DPP6: variants seen among roughly 807,000 people sequenced by gnomAD.
DPP6 encodes dipeptidyl peptidase like 6.
Under a neutral mutation model 122.6 loss-of-function variants are expected in DPP6, and 69 were observed. The observed-to-expected ratio is 0.56, with a 90% CI of 0.46 to 0.69. The LOEUF is 0.69. Among genes scored for constraint, DPP6 ranks in the 30% least tolerant of loss-of-function variants. DPP6 has a pLI of 0.00. For synonymous variants in DPP6, 418 were observed against 433.1 expected, an observed-to-expected ratio of 0.97 and a Z score of 0.43; for missense variants, 928 against 1,116.9, an observed-to-expected ratio of 0.83 and a Z score of 2.41.
upstream of DPP6, among the ~76,000 whole-genome samples, chr7:153,886,778 C>T (rs1192132837): frequency 6.6e-6 from 1 of 152,180 alleles, no homozygotes; most frequent in African/African-American, 2.4e-5. Context: ...CCCTAGCCTT[C>T]CCCCGCTTCC....
intron 1 of DPP6, among the ~76,000 whole-genome samples, chr7:154,054,955 TTTA>T (rs985041987): frequency 2.0e-5 from 3 of 152,104 alleles, no homozygotes; most frequent in Admixed American, 1.3e-4. Context: ...TGTCCTTCTT[TTTA>T]TTGTGACATG....
At chr7:153,794,683 A>G in the DPP6 span, among the ~76,000 whole-genome samples, 1 of 152,118 alleles carries the variant, frequency 6.6e-6, no homozygotes, top group Non-Finnish European at 1.5e-5. Flanking sequence ...CAGGGATGGA[A>G]TGATATGGTT....
chr7:154,047,486 T>C (rs1432514300), upstream of DPP6, among the ~76,000 whole-genome samples: 1 of 148,952 alleles, frequency 6.7e-6, no homozygotes, highest in African/African-American at 2.6e-5. Context: ...GAGAACAACA[T>C]GGTTATGGTC....
chr7:154,214,805 C>T (rs1283934240), intron 1 of DPP6, among the ~76,000 whole-genome samples: 3 of 152,028 alleles, frequency 2.0e-5, no homozygotes, highest in South Asian at 2.1e-4. Context: ...ATAGTCCTAG[C>T]TAGTTAGGAG....
intron 5 of DPP6, among the ~76,000 whole-genome samples, chr7:154,578,246 G>A (rs1831812888): frequency 3.3e-5 from 5 of 152,044 alleles, no homozygotes; most frequent in Admixed American, 6.6e-5. Context: ...TGGTGTTCCC[G>A]CTTCTCTCTT....
rs1217165609 is a variant in DPP6, at chr7:154,885,675, G to A, written c.2176G>A (p.Gly726Arg). ...YLSTYILPAK[G>R]ENQGQTFTCG... Reference sequence around the variant, plus strand: ...GAGCACCTACATCCTCCCAGCAAAGGGAGAAAATCAAGGCCAGACATTCAC... The same window carrying A: ...GAGCACCTACATCCTCCCAGCAAAGAGAGAAAATCAAGGCCAGACATTCAC... Residue 726 changes from glycine to arginine, a missense_variant, in exon 22 of 26, where the codon GGA becomes AGA. Gly to Arg is a moderately radical substitution (Grantham distance 125, BLOSUM62 -2). Transcript: ENST00000377770. 1.1e-5 allele frequency: 17 copies of A among 1,594,054 alleles called. No homozygotes were observed. The highest frequency in any genetic ancestry group is 2.7e-5 in the African/African-American group (2 of 74,490).
At chr7:154,047,725 G>A (rs200270800), upstream of DPP6, among the ~76,000 whole-genome samples, 17,702 of 145,088 alleles carry the variant, frequency 0.12, no homozygotes, top group South Asian at 0.16. Flanking sequence ...GGGCAGCAAG[G>A]AAGTTTTAGA....
intron 3 of DPP6, among the ~76,000 whole-genome samples, chr7:154,535,445 T>C (rs913821790): frequency 5.9e-5 from 9 of 152,032 alleles, no homozygotes; most frequent in African/African-American, 2.2e-4. Flanking sequence ...ATGTGCAGTT[T>C]TGTTACATAG....
intron 1 of DPP6, among the ~76,000 whole-genome samples, chr7:153,923,178 A>C (rs935295668): frequency 6.6e-6 from 1 of 152,208 alleles, no homozygotes; most frequent in Non-Finnish European, 1.5e-5. Flanking sequence ...TTAAGCAGGC[A>C]CTGAACACCT....
chr7:154,291,090 C>G (rs1805178917), intron 1 of DPP6, among the ~76,000 whole-genome samples: 2 of 152,290 alleles, frequency 1.3e-5, no homozygotes, highest in South Asian at 4.1e-4. Flanking sequence ...AGCCACCGCT[C>G]CCCTCCAAAA....
rs998306915 is a variant in DPP6, at chr7:154,294,253, C to G, written c.244-151961C>G. Among the ~76,000 whole-genome samples, 13 of 152,244 alleles carry G rather than the reference C, an allele frequency of 8.5e-5. No individual in the cohort carries two copies. The East Asian group carries it at 2.5e-3, about 30-fold the overall frequency. On this transcript the variant is annotated intron_variant, in intron 1 of 25. Transcript: ENST00000377770. ...AGCCTGGGGTAGGAGGTGACATTTG[C>G]ACGGGGCACTAAAGGATGATTAGGA...
chr7:153,866,268 A>G, the DPP6 span, among the ~76,000 whole-genome samples: 10 of 152,158 alleles, frequency 6.6e-5, no homozygotes, highest in African/African-American at 2.4e-4. Context: ...CAGTCCCACC[A>G]ACAGTGTAAA....
intron 5 of DPP6, among the ~76,000 whole-genome samples, chr7:154,579,681 G>T (rs1488137130): frequency 6.6e-6 from 1 of 152,160 alleles, no homozygotes; most frequent in Non-Finnish European, 1.5e-5. Context: ...CCCATGGGGG[G>T]GCCCAAAGTG....
chr7:153,812,846 T>C, the DPP6 span, among the ~76,000 whole-genome samples: 1 of 152,012 alleles, frequency 6.6e-6, no homozygotes, highest in African/African-American at 2.4e-5. Context: ...ACAGTGCATC[T>C]CAAGAAAGTA....
chr7:154,041,453 A>G (rs397833641), intron 1 of DPP6, among the ~76,000 whole-genome samples: 17 of 152,196 alleles, frequency 1.1e-4, no homozygotes, highest in Non-Finnish European at 1.2e-4. Context: ...CCTCTCGGGA[A>G]CTCTGTGCTT....
the DPP6 span, among the ~76,000 whole-genome samples, chr7:153,753,035 T>G: frequency 3.9e-5 from 6 of 152,234 alleles, no homozygotes; most frequent in African/African-American, 1.4e-4. Context: ...AATAATTCTT[T>G]GTATTACTTA....
chr7:154,857,142 C>T (rs982709594), intron 17 of DPP6, among the ~76,000 whole-genome samples: 1 of 152,122 alleles, frequency 6.6e-6, no homozygotes, highest in African/African-American at 2.4e-5. Flanking sequence ...CAAGCTCTTT[C>T]AGGATGGTAA....
chr7:154,709,410 G>A (rs1841029209), intron 7 of DPP6, among the ~76,000 whole-genome samples: 1 of 151,998 alleles, frequency 6.6e-6, no homozygotes, highest in Non-Finnish European at 1.5e-5. Context: ...TGTAGAGATG[G>A]AGTCTTACCG....
intron 5 of DPP6, among the ~76,000 whole-genome samples, chr7:154,594,299 C>T (rs1008116164): frequency 2.6e-5 from 4 of 152,074 alleles, no homozygotes; most frequent in Non-Finnish European, 5.9e-5. Flanking sequence ...CAAAACTGCC[C>T]GACAGCTCAC....
Sources: allele counts gnomAD v4.1 joint callset (sites outside exome capture counted in the v4.1 genomes callset), GRCh38; gene constraint gnomAD v4.1.1; transcripts MANE v1.5; gene names NCBI Gene and HGNC (gene_info 2026-07-23, HGNC 2026-07-21).